ATF6: variants seen among roughly 807,000 people sequenced by gnomAD.
ATF6 encodes activating transcription factor 6.
ATF6 carries 53 observed loss-of-function variants against 83.6 expected under a neutral mutation model. That is an observed-to-expected ratio of 0.63 (90% confidence interval 0.51 to 0.80). ATF6 has a LOEUF of 0.80. Ranked by LOEUF, ATF6 falls within the 30% of genes least tolerant of loss-of-function variation. The pLI is 0.00. For synonymous variants in ATF6, 288 were observed against 285.8 expected (o/e 1.01, Z -0.08); for missense variants, 744 against 797.9 (o/e 0.93, Z 0.81).
intron 1 of ATF6, among the ~76,000 whole-genome samples, chr1:161,775,544 T>G (rs1261623144): frequency 6.6e-6 from 1 of 152,214 alleles, no homozygotes; most frequent in Non-Finnish European, 1.5e-5. Flanking sequence ...TTGATTCCTT[T>G]TTTATTTGGT....
At chr1:161,920,375 A>C (rs960323742) in intron 15 of ATF6, among the ~76,000 whole-genome samples, 33 of 127,892 alleles carry the variant, frequency 2.6e-4, no homozygotes, top group Admixed American at 1.2e-3. Flanking sequence ...GCTCGCTGCA[A>C]CCTCCACCTC....
At chr1:161,780,191 C>T (rs1684602447) in intron 2 of ATF6, among the ~76,000 whole-genome samples, 1 of 151,796 alleles carries the variant, frequency 6.6e-6, no homozygotes, top group African/African-American at 2.4e-5. Flanking sequence ...AATATTTACT[C>T]AGTTATGGGC....
chr1:161,898,374 C>T (rs867166967), intron 14 of ATF6, among the ~76,000 whole-genome samples: 3 of 152,082 alleles, frequency 2.0e-5, no homozygotes, highest in African/African-American at 7.2e-5. Context: ...GTGTTTTTAT[C>T]TGGATGAAAG....
At chr1:161,790,167 A>G (rs1214849896) in intron 4 of ATF6, among the ~76,000 whole-genome samples, 1 of 152,096 alleles carries the variant, frequency 6.6e-6, no homozygotes. Flanking sequence ...TTATTGTTAA[A>G]TAGTTTACTT....
intron 7 of ATF6, among the ~76,000 whole-genome samples, chr1:161,806,676 T>A (rs1685290792): frequency 6.6e-6 from 1 of 152,160 alleles, no homozygotes; most frequent in Admixed American, 6.5e-5. Context: ...TTCTAAATCC[T>A]ATAGTTAGGA....
intron 15 of ATF6, among the ~76,000 whole-genome samples, chr1:161,934,056 T>C (rs1688486704): frequency 6.6e-6 from 1 of 152,206 alleles, no homozygotes; most frequent in Non-Finnish European, 1.5e-5. Flanking sequence ...GTGTACAAGA[T>C]AACTTGTACG....
intron 15 of ATF6, among the ~76,000 whole-genome samples, chr1:161,928,571 A>G (rs149950727): frequency 2.3e-4 from 35 of 152,196 alleles, no homozygotes; most frequent in African/African-American, 7.2e-4. Flanking sequence ...GCAGCCATCT[A>G]TTGCAAAGTT....
chr1:161,767,821 G>C (rs1201543713), intron 1 of ATF6, among the ~76,000 whole-genome samples: 1 of 152,116 alleles, frequency 6.6e-6, no homozygotes, highest in African/African-American at 2.4e-5. Flanking sequence ...TATTTTGTCA[G>C]CTAGTCAGCT....
chr1:161,933,103 C>T (rs1161265918), intron 15 of ATF6, among the ~76,000 whole-genome samples: 1 of 152,210 alleles, frequency 6.6e-6, no homozygotes, highest in African/African-American at 2.4e-5. Context: ...TCAGCCCACT[C>T]TCTATAGAAG....
chr1:161,912,275 ATTGTTCT>A lies in ATF6; in HGVS notation c.1720-15_1720-9del, dbSNP rs780731927. Reference sequence around the variant, plus strand: ...CTAAGCCAATTGTTATATATAACAGATTGTTCTTTGTTAATTTTAGGATCACCTGCTG... The same window carrying A: ...CTAAGCCAATTGTTATATATAACAGATTGTTAATTTTAGGATCACCTGCTG... On this transcript the variant is annotated splice_polypyrimidine_tract_variant and intron_variant, in intron 14 of 15. Transcript: ENST00000367942. 8 of 1,582,888 alleles carry A rather than the reference ATTGTTCT, an allele frequency of 5.1e-6. No homozygotes were observed. In the Admixed American group the frequency reaches 5.2e-5, roughly 10 times the overall value.
intron 1 of ATF6, among the ~76,000 whole-genome samples, chr1:161,776,854 A>C (rs1268396470): frequency 6.6e-6 from 1 of 152,222 alleles, no homozygotes; most frequent in Non-Finnish European, 1.5e-5. Flanking sequence ...TAAAGCCGTG[A>C]GCTCAGCTGA....
At chr1:161,955,793 A>G (rs1688955627) in intron 15 of ATF6, among the ~76,000 whole-genome samples, 3 of 152,176 alleles carry the variant, frequency 2.0e-5, no homozygotes, top group Admixed American at 2.0e-4. Context: ...TCAGGCATTC[A>G]CATGCTATCT....
intron 14 of ATF6, among the ~76,000 whole-genome samples, chr1:161,880,368 A>T (rs1687296807): frequency 6.6e-6 from 1 of 151,870 alleles, no homozygotes; most frequent in South Asian, 2.1e-4. Flanking sequence ...GTATATACTT[A>T]TATAGGTGAA....
intron 6 of ATF6, among the ~76,000 whole-genome samples, chr1:161,797,454 A>G (rs560971461): frequency 2.0e-5 from 3 of 152,302 alleles, no homozygotes; most frequent in East Asian, 3.9e-4. Context: ...TAGATCTGAT[A>G]AACAACTTCA....
intron 3 of ATF6, among the ~76,000 whole-genome samples, chr1:161,783,721 A>T (rs1684685453): frequency 1.3e-5 from 2 of 151,968 alleles, no homozygotes; most frequent in Non-Finnish European, 2.9e-5. Flanking sequence ...CCAGAGAATT[A>T]GTGCAGATGC....
At chr1:161,911,886 A>G (rs1687999065) in intron 14 of ATF6, among the ~76,000 whole-genome samples, 2 of 152,262 alleles carry the variant, frequency 1.3e-5, no homozygotes, top group Non-Finnish European at 2.9e-5. Flanking sequence ...GACATTATCT[A>G]GTCTAGCCCC....
chr1:161,783,050 A>C (rs909477171), intron 3 of ATF6, among the ~76,000 whole-genome samples: 1 of 152,058 alleles, frequency 6.6e-6, no homozygotes, highest in Non-Finnish European at 1.5e-5. Flanking sequence ...TGACTTGAAG[A>C]CTAGGACTAC....
intron 15 of ATF6, among the ~76,000 whole-genome samples, chr1:161,920,312 T>C (rs1688184513): frequency 8.1e-6 from 1 of 123,804 alleles, no homozygotes; most frequent in Non-Finnish European, 1.7e-5. Context: ...TTTTTTTTTT[T>C]GAGACAGAGT....
At chr1:161,918,309 TC>T (rs1263487281) in intron 15 of ATF6, among the ~76,000 whole-genome samples, 1 of 152,126 alleles carries the variant, frequency 6.6e-6, no homozygotes, top group Admixed American at 6.5e-5. Context: ...TCTAATCTTT[TC>T]AAGTGTAAAG....
Sources: allele counts gnomAD v4.1 joint callset (sites outside exome capture counted in the v4.1 genomes callset), GRCh38; gene constraint gnomAD v4.1.1; transcripts MANE v1.5; gene names NCBI Gene and HGNC (gene_info 2026-07-23, HGNC 2026-07-21).